Variants in KCNH1 observed in about 807,000 individuals in gnomAD.
KCNH1 encodes the protein potassium voltage-gated channel subfamily H member 1, also known as voltage-gated delayed rectifier potassium channel KCNH1.
In KCNH1, 27 loss-of-function variants were observed where a neutral mutation model predicts 69.2. The ratio of observed to expected loss-of-function variants is 0.39; its 90% CI spans 0.29 to 0.54. KCNH1 has a LOEUF of 0.54. Ranked by LOEUF, KCNH1 falls within the 20% of genes least tolerant of loss-of-function variation. KCNH1 has a pLI of 0.68. For missense variants in KCNH1, 798 were observed against 1,261.6 expected (o/e 0.63, Z 5.57); for synonymous variants, 456 against 487.7 (o/e 0.93, Z 0.86).
At chr1:210,690,498 GC>G (rs1183302598) in intron 10 of KCNH1, among the ~76,000 whole-genome samples, 1 of 152,122 alleles carries the variant, frequency 6.6e-6, no homozygotes, top group African/African-American at 2.4e-5. Context: ...CAGTCACCCT[GC>G]CTGGTTTTAT....
intron 7 of KCNH1, among the ~76,000 whole-genome samples, chr1:210,909,826 G>A (rs868963): frequency 0.2 from 30,861 of 152,158 alleles, 3,888 homozygotes; most frequent in Non-Finnish European, 0.28. Flanking sequence ...GAAGGGGGCA[G>A]TTTTTGATGC....
At chr1:211,017,635 G>C (rs1290693503) in intron 6 of KCNH1, among the ~76,000 whole-genome samples, 1 of 152,144 alleles carries the variant, frequency 6.6e-6, no homozygotes, top group Non-Finnish European at 1.5e-5. Context: ...ATTTTTCTTT[G>C]CAATGACTTG....
chr1:211,027,995 C>A (rs1689714247), intron 5 of KCNH1, among the ~76,000 whole-genome samples: 1 of 152,012 alleles, frequency 6.6e-6, no homozygotes, highest in South Asian at 2.1e-4. Flanking sequence ...AGGATTTAAT[C>A]AATATTTATA....
At chr1:210,913,427 TAAC>T (rs1285124236) in intron 7 of KCNH1, among the ~76,000 whole-genome samples, 1 of 152,182 alleles carries the variant, frequency 6.6e-6, no homozygotes, top group Non-Finnish European at 1.5e-5. Flanking sequence ...ACACTGTTAT[TAAC>T]AACAATAAAA....
At chr1:210,827,205 G>A (rs910698694) in intron 7 of KCNH1, among the ~76,000 whole-genome samples, 5 of 152,004 alleles carry the variant, frequency 3.3e-5, no homozygotes, top group African/African-American at 9.7e-5. Flanking sequence ...GCGTGGTGGC[G>A]GGTGCCTGTA....
At chr1:210,699,810 T>C (rs1012168883) in intron 10 of KCNH1, among the ~76,000 whole-genome samples, 2 of 152,224 alleles carry the variant, frequency 1.3e-5, no homozygotes, top group African/African-American at 4.8e-5. Context: ...TACTATTATT[T>C]ATTTTATGAA....
At chr1:210,727,326 TACTC>T (rs1016594381) in intron 10 of KCNH1, among the ~76,000 whole-genome samples, 14 of 152,312 alleles carry the variant, frequency 9.2e-5, no homozygotes, top group African/African-American at 3.1e-4. Context: ...AGGCTTATCT[TACTC>T]AATAAGCCCA....
At chr1:211,085,317 A>C (rs17017172) in intron 4 of KCNH1, among the ~76,000 whole-genome samples, 13,793 of 152,208 alleles carry the variant, frequency 0.091, 911 homozygotes, top group South Asian at 0.17. Context: ...GGGCCAAACC[A>C]AGAAGAACCT....
chr1:211,072,555 G>A (rs1285754393), intron 5 of KCNH1, among the ~76,000 whole-genome samples: 4 of 152,138 alleles, frequency 2.6e-5, no homozygotes, highest in Non-Finnish European at 5.9e-5. Context: ...GTGTGTTTGT[G>A]TTTATGTATA....
At chr1:210,822,022 C>T (rs1285642555) in intron 7 of KCNH1, among the ~76,000 whole-genome samples, 1 of 151,832 alleles carries the variant, frequency 6.6e-6, no homozygotes, top group Non-Finnish European at 1.5e-5. Context: ...ATTTATTTCA[C>T]AAACATATGC....
chr1:211,038,258 G>A (rs1689934084), intron 5 of KCNH1, among the ~76,000 whole-genome samples: 1 of 152,120 alleles, frequency 6.6e-6, no homozygotes, highest in Non-Finnish European at 1.5e-5. Context: ...ACCACACCCA[G>A]CCACTTCTCC....
At chr1:210,790,747 A>C (rs1227468931) in intron 9 of KCNH1, among the ~76,000 whole-genome samples, 1 of 152,200 alleles carries the variant, frequency 6.6e-6, no homozygotes, top group African/African-American at 2.4e-5. Context: ...ACTGTAAGCC[A>C]TAGTTACCTA....
chr1:210,726,995 T>C (rs1375772478), intron 10 of KCNH1, among the ~76,000 whole-genome samples: 2 of 152,148 alleles, frequency 1.3e-5, no homozygotes, highest in Non-Finnish European at 1.5e-5. Context: ...TTGTCACCAC[T>C]CTCAGTCTGG....
chr1:211,022,078 C>G (rs922863388), intron 5 of KCNH1, among the ~76,000 whole-genome samples: 3 of 152,148 alleles, frequency 2.0e-5, no homozygotes, highest in African/African-American at 4.8e-5. Flanking sequence ...TCAAATTATA[C>G]TACAGAGTTA....
chr1:211,070,835 T>A (rs1282035515), intron 5 of KCNH1, among the ~76,000 whole-genome samples: 8 of 139,778 alleles, frequency 5.7e-5, no homozygotes, highest in Admixed American at 5.0e-4. Flanking sequence ...AAAAAAAAAA[T>A]TAGGAAAAAA....
chr1:210,768,495 G>A (rs1295463342), intron 10 of KCNH1, among the ~76,000 whole-genome samples: 1 of 152,130 alleles, frequency 6.6e-6, no homozygotes, highest in Non-Finnish European at 1.5e-5. Flanking sequence ...TATGAATAAT[G>A]GAAGAGAAAT....
intron 6 of KCNH1, among the ~76,000 whole-genome samples, chr1:210,933,367 G>A (rs569433351): frequency 6.6e-6 from 1 of 152,078 alleles, no homozygotes; most frequent in South Asian, 2.1e-4. Flanking sequence ...CTGTTGTGGG[G>A]TGGGGGGAGC....
chr1:211,111,234 C>T (rs1691454708), intron 1 of KCNH1, among the ~76,000 whole-genome samples: 1 of 152,184 alleles, frequency 6.6e-6, no homozygotes, highest in South Asian at 2.1e-4. Context: ...CGTAAGCATA[C>T]CCTCAGTCCC....
intron 6 of KCNH1, among the ~76,000 whole-genome samples, chr1:210,936,436 T>A (rs185979999): frequency 8.3e-4 from 126 of 152,226 alleles, no homozygotes; most frequent in African/African-American, 2.8e-3. Flanking sequence ...GAGTTAATAG[T>A]AGAGACTTTT....
Sources: allele counts gnomAD v4.1 joint callset (sites outside exome capture counted in the v4.1 genomes callset), GRCh38; gene constraint gnomAD v4.1.1; transcripts MANE v1.5; gene names NCBI Gene and HGNC (gene_info 2026-07-23, HGNC 2026-07-21).